NOSTRIN: variants seen among roughly 807,000 people sequenced by gnomAD.
NOSTRIN encodes the protein nitric oxide synthase trafficking.
In NOSTRIN, 63 loss-of-function variants were observed where a neutral mutation model predicts 59.0. The ratio of observed to expected loss-of-function variants is 1.07; its 90% CI spans 0.87 to 1.32. NOSTRIN has a LOEUF of 1.32. Among genes scored for constraint, NOSTRIN ranks in the 40% most tolerant of loss-of-function variants. The pLI is 0.00. For missense variants in NOSTRIN, 512 were observed against 473.1 expected, an observed-to-expected ratio of 1.08 and a Z score of -0.76; for synonymous variants, 200 against 165.4, an observed-to-expected ratio of 1.21 and a Z score of -1.61.
chr2:168,811,164 G>A (rs1686114763), intron 1 of NOSTRIN, among the ~76,000 whole-genome samples: 1 of 152,100 alleles, frequency 6.6e-6, no homozygotes, highest in Non-Finnish European at 1.5e-5. Context: ...TTTGTCATGA[G>A]CCCCAGAAAT....
intron 2 of NOSTRIN, among the ~76,000 whole-genome samples, chr2:168,821,567 C>T (rs1382355736): frequency 6.6e-6 from 1 of 152,142 alleles, no homozygotes; most frequent in African/African-American, 2.4e-5. Context: ...GGGGTGTTCA[C>T]CAGAGTAAAC....
chr2:168,851,115 A>C lies in NOSTRIN; in HGVS notation c.662A>C (p.Gln221Pro). Residue 221 changes from glutamine to proline, a missense_variant, in exon 9 of 16, where the codon CAA becomes CCA. Transcript: ENST00000317647. ...SILELEKERI[Q>P]LLCNNLNQYS... Reference sequence around the variant, plus strand: ...CTGGAGCTGGAGAAGGAAAGAATTCAACTTTTATGCAATAACTTAAACCAG... The same window carrying C: ...CTGGAGCTGGAGAAGGAAAGAATTCCACTTTTATGCAATAACTTAAACCAG... 6.3e-7 allele frequency: 1 copy of C among 1,580,012 alleles called. No individual in the cohort carries two copies. Among genetic ancestry groups the C allele is most frequent in the Non-Finnish European group, 8.7e-7 (1 of 1,148,886 alleles).
intron 7 of NOSTRIN, among the ~76,000 whole-genome samples, chr2:168,839,935 G>GTA (rs1340033352): frequency 1.1e-4 from 15 of 135,766 alleles, no homozygotes; most frequent in Admixed American, 6.8e-4. Flanking sequence ...GTGTGTGTGT[G>GTA]TGTGTATGAG....
intron 13 of NOSTRIN, 25 bp from the exon 14 acceptor site, chr2:168,860,770 A>ATGAC: frequency 7.3e-7 from 1 of 1,371,738 alleles, no homozygotes; most frequent in Non-Finnish European, 1.0e-6. Flanking sequence ...GTTACAAAAT[A>ATGAC]TGACTTTTTA....
intron 1 of NOSTRIN, among the ~76,000 whole-genome samples, chr2:168,811,152 G>A (rs1332134141): frequency 6.6e-6 from 1 of 152,104 alleles, no homozygotes; most frequent in Non-Finnish European, 1.5e-5. Flanking sequence ...AATGGCTCAT[G>A]GTTTGTCATG....
chr2:168,809,154 C>A (rs1291120079), intron 1 of NOSTRIN, among the ~76,000 whole-genome samples: 1 of 152,122 alleles, frequency 6.6e-6, no homozygotes, highest in African/African-American at 2.4e-5. Context: ...TAAAATAAAT[C>A]CAAAAGTAGA....
chr2:168,844,875 G>GAAA (rs79074527), intron 8 of NOSTRIN, among the ~76,000 whole-genome samples: 3 of 142,598 alleles, frequency 2.1e-5, no homozygotes, highest in Non-Finnish European at 4.6e-5. Flanking sequence ...GTCTCAAAAA[G>GAAA]AAAAAAAAAA....
chr2:168,837,286 C>A (rs1687783581), intron 7 of NOSTRIN, among the ~76,000 whole-genome samples: 4 of 135,770 alleles, frequency 2.9e-5, no homozygotes, highest in East Asian at 2.2e-4. Context: ...TTTTATAATA[C>A]ACTTTTTTAA....
At chr2:168,831,340 C>G (rs1687349838) in intron 5 of NOSTRIN, 132 bp from the exon 6 acceptor site, 3 of 607,936 alleles carry the variant, frequency 4.9e-6, no homozygotes, top group Non-Finnish European at 9.3e-6. Flanking sequence ...CTCAGAGCCT[C>G]CACCTCCAAA....
At chr2:168,828,083 G>A (rs952911710) in intron 3 of NOSTRIN, 75 bp from the exon 4 acceptor site, 7 of 844,078 alleles carry the variant, frequency 8.3e-6, no homozygotes, top group African/African-American at 3.3e-5. Context: ...ATGCGATGCT[G>A]TATTTCTAGC....
upstream of NOSTRIN, among the ~76,000 whole-genome samples, chr2:168,796,213 T>C (rs981051792): frequency 3.3e-5 from 5 of 152,224 alleles, no homozygotes; most frequent in African/African-American, 1.2e-4. Context: ...TCCTGTCAGC[T>C]CAAACAGGCC....
intron 5 of NOSTRIN, among the ~76,000 whole-genome samples, chr2:168,828,876 A>G (rs1474780500): frequency 6.6e-6 from 1 of 152,106 alleles, no homozygotes; most frequent in African/African-American, 2.4e-5. Flanking sequence ...AAAAAGTCTA[A>G]TTTATACAAT....
chr2:168,815,742 G>C (rs1686362775), intron 2 of NOSTRIN, among the ~76,000 whole-genome samples: 1 of 152,118 alleles, frequency 6.6e-6, no homozygotes, highest in South Asian at 2.1e-4. Flanking sequence ...GCAGTACTAG[G>C]AACATGTCTA....
intron 12 of NOSTRIN, 22 bp from the exon 13 acceptor site, chr2:168,859,490 T>C (rs1387215621): frequency 6.2e-7 from 1 of 1,609,500 alleles, no homozygotes; most frequent in African/African-American, 1.3e-5. Context: ...TTTGCTCACA[T>C]GGCCAAATGA....
upstream of NOSTRIN, chr2:168,802,624 A>G (rs1459881256): frequency 2.3e-6 from 2 of 867,564 alleles, no homozygotes; most frequent in Non-Finnish European, 4.0e-6. Context: ...AGGTGAAAGG[A>G]CAAAAGCCAG....
At chr2:168,862,990 T>G (rs12993143) in intron 15 of NOSTRIN, among the ~76,000 whole-genome samples, 56,800 of 149,478 alleles carry the variant, frequency 0.38, 11,283 homozygotes, top group Non-Finnish European at 0.45. Flanking sequence ...GCCAGTCATA[T>G]CTCTCCAGGC....
intron 15 of NOSTRIN, chr2:168,863,785 CAA>C (rs1689648046): frequency 2.8e-6 from 1 of 361,150 alleles, no homozygotes; most frequent in South Asian, 1.1e-4. Flanking sequence ...GCCAAACAAT[CAA>C]AAACACCAGC....
At chr2:168,863,138 C>T (rs140513240) in intron 15 of NOSTRIN, among the ~76,000 whole-genome samples, 116 of 152,148 alleles carry the variant, frequency 7.6e-4, no homozygotes, top group African/African-American at 2.7e-3. Flanking sequence ...GGTTGCAAAG[C>T]CTACTTATAC....
At chr2:168,851,837 T>C (rs1326463421) in intron 10 of NOSTRIN, among the ~76,000 whole-genome samples, 2 of 152,130 alleles carry the variant, frequency 1.3e-5, no homozygotes, top group Admixed American at 1.3e-4. Flanking sequence ...GGAATTCAGT[T>C]GTGTCTTAGC....
Sources: gnomAD v4.1 joint callset for allele counts (sites outside exome capture counted in the v4.1 genomes callset) on GRCh38, gnomAD v4.1.1 for gene constraint, MANE v1.5 for transcripts, NCBI Gene and HGNC (gene_info 2026-07-23, HGNC 2026-07-21) for gene names.